Variants in MSRA observed in about 807,000 individuals in gnomAD.
MSRA encodes methionine sulfoxide reductase A.
MSRA carries 54 observed loss-of-function variants against 31.3 expected under a neutral mutation model. That is an observed-to-expected ratio of 1.73 (90% CI 1.39 to 2.17). MSRA has a LOEUF of 2.17. Ranked by LOEUF, MSRA falls within the 30% of genes most tolerant of loss-of-function variation. MSRA has a pLI of 0.00. For synonymous variants in MSRA, 169 were observed against 116.5 expected, an observed-to-expected ratio of 1.45 and a Z score of -2.90; for missense variants, 507 against 300.9, an observed-to-expected ratio of 1.69 and a Z score of -5.07.
chr8:10,408,305 G>C (rs1563447623), intron 5 of MSRA, among the ~76,000 whole-genome samples: 1 of 152,220 alleles, frequency 6.6e-6, no homozygotes. Context: ...GGGAGGCTGA[G>C]ACGGGCAGAT....
chr8:10,108,646 C>A (rs1488512011), intron 1 of MSRA, among the ~76,000 whole-genome samples: 1 of 152,150 alleles, frequency 6.6e-6, no homozygotes, highest in African/African-American at 2.4e-5. Flanking sequence ...GAAACTTTGG[C>A]CTGTGAGCAA....
In MSRA at chr8:10,245,203, C is replaced by T; in HGVS notation, c.311C>T (p.Thr104Ile). The change falls in exon 3 of 6, where the codon ACT (threonine) becomes ATT (isoleucine). Residue 104 changes from threonine (T) to isoleucine (I), a missense_variant. Transcript: ENST00000317173. ...GCAGGAGGCTATACTTCAAATCCTA[C>T]TTATAAAGAAGTCTGCTCAGGTAGG... ...GFAGGYTSNP[T>I]YKEVCSEKTG... 1 of 1,613,082 alleles carries T rather than the reference C, an allele frequency of 6.2e-7. No homozygotes were observed. Among genetic ancestry groups the T allele is most frequent in the Non-Finnish European group, 8.5e-7 (1 of 1,179,522 alleles).
intron 3 of MSRA, among the ~76,000 whole-genome samples, chr8:10,274,234 A>G (rs192023860): frequency 3.3e-5 from 5 of 152,324 alleles, no homozygotes; most frequent in African/African-American, 1.2e-4. Context: ...TCCAGACAGT[A>G]TGTAAAAGGC....
chr8:10,124,343 C>T (rs1801341105), intron 1 of MSRA, among the ~76,000 whole-genome samples: 1 of 152,160 alleles, frequency 6.6e-6, no homozygotes, highest in East Asian at 1.9e-4. Flanking sequence ...AAGGGCTTTT[C>T]CCTAAGGAGA....
At chr8:10,342,572 G>A (rs11777018) in intron 5 of MSRA, among the ~76,000 whole-genome samples, 28,396 of 152,236 alleles carry the variant, frequency 0.19, 3,574 homozygotes, top group Non-Finnish European at 0.28. Context: ...AACCCTGTTC[G>A]TCTGCCTCAC....
intron 1 of MSRA, among the ~76,000 whole-genome samples, chr8:10,163,415 G>A (rs1464351326): frequency 2.0e-5 from 3 of 152,220 alleles, no homozygotes; most frequent in Non-Finnish European, 4.4e-5. Context: ...CCAGTGTGTG[G>A]ACTGGCGCAC....
chr8:10,262,132 A>C (rs1208052563), intron 3 of MSRA, among the ~76,000 whole-genome samples: 1 of 152,236 alleles, frequency 6.6e-6, no homozygotes, highest in Non-Finnish European at 1.5e-5. Flanking sequence ...CAGCTCTTGA[A>C]ATAATTGCAG....
At chr8:10,392,573 A>G (rs1806813817) in intron 5 of MSRA, among the ~76,000 whole-genome samples, 1 of 152,112 alleles carries the variant, frequency 6.6e-6, no homozygotes. Context: ...AAATGTGCCC[A>G]GCAGCCAAGC....
intron 5 of MSRA, among the ~76,000 whole-genome samples, chr8:10,403,976 C>T (rs951648074): frequency 8.5e-5 from 13 of 152,126 alleles, no homozygotes; most frequent in Admixed American, 3.9e-4. Context: ...ATGACAATGA[C>T]GTAATTAAAA....
intron 1 of MSRA, among the ~76,000 whole-genome samples, chr8:10,096,606 G>T (rs1799172504): frequency 6.6e-6 from 1 of 152,138 alleles, no homozygotes. Flanking sequence ...ACTGTAGCCT[G>T]GCTCTCTCAA....
intron 3 of MSRA, among the ~76,000 whole-genome samples, chr8:10,255,633 C>T (rs1798136509): frequency 6.6e-6 from 1 of 151,986 alleles, no homozygotes. Flanking sequence ...AAAAAATAAT[C>T]TGTCACCTTG....
At chr8:10,289,789 A>T (rs1800134190) in intron 3 of MSRA, among the ~76,000 whole-genome samples, 1 of 152,190 alleles carries the variant, frequency 6.6e-6, no homozygotes, top group South Asian at 2.1e-4. Context: ...TTACCCAGAG[A>T]AACCTGTCTT....
chr8:10,214,664 G>T (rs928714466), intron 2 of MSRA, among the ~76,000 whole-genome samples: 1 of 152,132 alleles, frequency 6.6e-6, no homozygotes, highest in East Asian at 1.9e-4. Context: ...TATAATTAGC[G>T]AAACAATCTA....
chr8:10,351,246 T>C (rs894324247), intron 5 of MSRA, among the ~76,000 whole-genome samples: 3 of 31,046 alleles, frequency 9.7e-5, no homozygotes, highest in African/African-American at 3.3e-4. Flanking sequence ...TGAAGGAGAC[T>C]TTTTTTTTTT....
intron 4 of MSRA, among the ~76,000 whole-genome samples, chr8:10,306,508 G>C (rs901024268): frequency 3.3e-5 from 5 of 151,886 alleles, no homozygotes; most frequent in Non-Finnish European, 7.4e-5. Context: ...CGAGATTCTT[G>C]TGTCTCTTGC....
chr8:10,120,793 A>T (rs766747066), intron 1 of MSRA, among the ~76,000 whole-genome samples: 111 of 152,218 alleles, frequency 7.3e-4, no homozygotes, highest in Non-Finnish European at 1.0e-3. Context: ...CTCTCTCCAA[A>T]CGCTGTGGCT....
chr8:10,065,934 C>G (rs973707991), intron 1 of MSRA, among the ~76,000 whole-genome samples: 4 of 151,520 alleles, frequency 2.6e-5, no homozygotes, highest in Non-Finnish European at 5.9e-5. Flanking sequence ...GCTGAGATAG[C>G]TCCTCCTGGC....
At chr8:10,100,125 T>C (rs1384988308) in intron 1 of MSRA, among the ~76,000 whole-genome samples, 1 of 152,160 alleles carries the variant, frequency 6.6e-6, no homozygotes, top group Non-Finnish European at 1.5e-5. Flanking sequence ...GATCCTGGGT[T>C]AGACTGCAAT....
At chr8:10,368,515 G>A (rs566397671) in intron 5 of MSRA, among the ~76,000 whole-genome samples, 48 of 152,314 alleles carry the variant, frequency 3.2e-4, no homozygotes, top group African/African-American at 1.0e-3. Context: ...CAGAGGGGCC[G>A]GGAGGCGACT....
Sources: gnomAD v4.1 joint callset for allele counts (sites outside exome capture counted in the v4.1 genomes callset) on GRCh38, gnomAD v4.1.1 for gene constraint, MANE v1.5 for transcripts, NCBI Gene and HGNC (gene_info 2026-07-23, HGNC 2026-07-21) for gene names.